Variants in CEP76 observed in about 807,000 individuals in gnomAD.
CEP76 encodes centrosomal protein of 76 kDa.
In CEP76, 55 loss-of-function variants were observed where a neutral mutation model predicts 83.3. The observed-to-expected ratio is 0.66, with a 90% CI of 0.53 to 0.83. The LOEUF (loss-of-function observed/expected upper bound fraction) is 0.83. Among genes scored for constraint, CEP76 ranks in the 40% least tolerant of loss-of-function variants. CEP76 has a pLI of 0.00. For missense variants in CEP76, 694 were observed against 799.5 expected, an observed-to-expected ratio of 0.87 and a Z score of 1.59; for synonymous variants, 270 against 274.5, an observed-to-expected ratio of 0.98 and a Z score of 0.16.
intron 4 of CEP76, among the ~76,000 whole-genome samples, 164 bp from the exon 5 acceptor site, chr18:12,697,572 G>C (rs1236514179): frequency 6.6e-6 from 1 of 152,204 alleles, no homozygotes; most frequent in African/African-American, 2.4e-5. Flanking sequence ...TACAAGTACA[G>C]TCCTATTTCT....
intron 6 of CEP76, among the ~76,000 whole-genome samples, chr18:12,695,003 C>T (rs1481365778): frequency 6.6e-6 from 1 of 152,144 alleles, no homozygotes; most frequent in Non-Finnish European, 1.5e-5. Context: ...GCGTGAGCCA[C>T]CGGCCTATCC....
At chr18:12,667,182 T>C (rs1262589790) in intron 12 of CEP76, among the ~76,000 whole-genome samples, 1 of 152,192 alleles carries the variant, frequency 6.6e-6, no homozygotes, top group East Asian at 1.9e-4. Context: ...TATTTTGGGC[T>C]GGGCATGGTG....
At chr18:12,678,576 TA>T in intron 9 of CEP76, 134 bp from the exon 10 acceptor site, 1 of 607,706 alleles carries the variant, frequency 1.6e-6, no homozygotes. Flanking sequence ...TTTTCTTTTT[TA>T]TATTTCCACA....
chr18:12,697,951 C>G (rs1195604947), intron 4 of CEP76, among the ~76,000 whole-genome samples: 1 of 151,946 alleles, frequency 6.6e-6, no homozygotes, highest in Non-Finnish European at 1.5e-5. Flanking sequence ...TGAAACTTTG[C>G]TTAGTTTACA....
intron 1 of CEP76, 75 bp downstream of exon 1, chr18:12,702,411 G>A (rs112588451): frequency 2.6e-6 from 3 of 1,166,634 alleles, no homozygotes; most frequent in Non-Finnish European, 3.8e-6. Context: ...TGCCGCTGTC[G>A]GCCCGGGGCC....
Position 12,678,179 on chromosome 18 carries a change from G to A in CEP76, c.1553C>T (p.Thr518Ile). The change falls in exon 10 of 12, where the codon ACA becomes ATA. Residue 518 changes from threonine to isoleucine, a missense_variant. Coordinates refer to ENST00000262127, the MANE Select transcript of CEP76 (RefSeq NM_024899.4). Reference protein sequence around the residue: ...LPPFPPLCASTIDASVTSNEI... With the variant: ...LPPFPPLCASIIDASVTSNEI... ...ATTACTTGTTACTGACGCGTCAATT[G>A]TGGATGCACACAGAGGTGGAAAGGG... The A allele has an allele frequency of 6.2e-7, 1 of 1,614,186 alleles. No homozygotes were observed. Among genetic ancestry groups the A allele is most frequent in the Non-Finnish European group, 8.5e-7 (1 of 1,180,028 alleles).
chr18:12,675,171 C>CGGATCA lies in CEP76; in HGVS notation c.1624-424_1624-419dup, dbSNP rs1266755932. Among the ~76,000 whole-genome samples, 5 of 152,098 alleles carry CGGATCA rather than the reference C, an allele frequency of 3.3e-5. No individual in the cohort carries two copies. The East Asian group carries it at 9.7e-4, about 29-fold the overall frequency. ...CAGCAGTTTGGGAGGCTGAGGTGGGCGGATCATGAGGTCAGGAGATTGAGA... is the reference window on the plus strand; with the variant it reads ...CAGCAGTTTGGGAGGCTGAGGTGGGCGGATCAGGATCATGAGGTCAGGAGATTGAGA... On this transcript the variant is annotated intron_variant, in intron 10 of 11. Transcript: ENST00000262127.
chr18:12,701,444 T>C (rs114355824), intron 1 of CEP76, among the ~76,000 whole-genome samples: 1 of 152,174 alleles, frequency 6.6e-6, no homozygotes, highest in Non-Finnish European at 1.5e-5. Flanking sequence ...TTGATCTGCC[T>C]AATGATAAGG....
downstream of CEP76, among the ~76,000 whole-genome samples, chr18:12,667,866 T>G (rs1228614451): frequency 1.3e-5 from 2 of 149,854 alleles, no homozygotes; most frequent in African/African-American, 2.4e-5. Context: ...TTTTTTTTTT[T>G]TTTAAATAGA....
chr18:12,691,399 C>T lies in CEP76; in HGVS notation c.893G>A (p.Arg298Gln), dbSNP rs1234552291. ...AACCAGTCGTGAGTTGTGTGAGGGT[C>T]GAATTTGCAAATATTCTCTCCACCA... is the stretch of plus-strand genomic sequence containing the variant. ...KQWWREYLQI[R>Q]PSHNSRLVKI... Residue 298 changes from arginine (R) to glutamine (Q), a missense_variant, in exon 7 of 12, where the codon CGA becomes CAA. By Grantham distance (43) the Arg-to-Gln change is conservative. Transcript: ENST00000262127. 1.9e-5 allele frequency: 30 copies of T among 1,607,312 alleles called. No individual in the cohort carries two copies. Among genetic ancestry groups the T allele is most frequent in the Non-Finnish European group, 2.4e-5 (28 of 1,176,468 alleles).
chr18:12,701,393 G>A (rs2040144776), intron 1 of CEP76, among the ~76,000 whole-genome samples: 1 of 152,110 alleles, frequency 6.6e-6, no homozygotes, highest in South Asian at 2.1e-4. Context: ...ACACGGACTG[G>A]GAGTAGGCAG....
chr18:12,692,551 G>C (rs1187787867), intron 6 of CEP76, among the ~76,000 whole-genome samples: 1 of 151,580 alleles, frequency 6.6e-6, no homozygotes, highest in East Asian at 1.9e-4. Flanking sequence ...GTTACTTCCT[G>C]TTGTTCAGAC....
In CEP76 at chr18:12,702,596, T is replaced by C; in HGVS notation, c.-48A>G. 6.3e-7 allele frequency: 1 copy of C among 1,575,634 alleles called. No homozygotes were observed. The highest frequency in any genetic ancestry group is 8.6e-7 in the Non-Finnish European group (1 of 1,165,498). On this transcript the variant is annotated 5_prime_UTR_variant, in exon 1 of 12. Transcript: ENST00000262127. Reference sequence around the variant, plus strand: ...CCGCTTCTCCCCGCCTCAGATGCCCTAACTGCGCGGCCCCGGCCGGGCCAG... The same window carrying C: ...CCGCTTCTCCCCGCCTCAGATGCCCCAACTGCGCGGCCCCGGCCGGGCCAG...
At chr18:12,694,476 A>G (rs935985675) in intron 6 of CEP76, among the ~76,000 whole-genome samples, 3 of 152,222 alleles carry the variant, frequency 2.0e-5, no homozygotes, top group Non-Finnish European at 4.4e-5. Context: ...AAATCTGCCG[A>G]TCTTTTAAGA....
intron 12 of CEP76, chr18:12,664,931 T>G (rs1055374074): frequency 6.6e-6 from 1 of 152,104 alleles, no homozygotes; most frequent in African/African-American, 2.4e-5. Flanking sequence ...ACTCCTGATC[T>G]CAAGTGATCC....
At chr18:12,666,503 A>C (rs116882881) in intron 12 of CEP76, among the ~76,000 whole-genome samples, 1 of 147,944 alleles carries the variant, frequency 6.8e-6, no homozygotes, top group Non-Finnish European at 1.5e-5. Flanking sequence ...GCATTGTGCA[A>C]TCATGGCTCA....
intron 1 of CEP76, among the ~76,000 whole-genome samples, chr18:12,701,665 C>T (rs1209816656): frequency 2.0e-5 from 3 of 151,846 alleles, no homozygotes; most frequent in Non-Finnish European, 2.9e-5. Context: ...GCATCTTGCA[C>T]TCAGTCGAGC....
intron 12 of CEP76, chr18:12,665,155 A>G (rs553870242): frequency 1.4e-4 from 22 of 152,284 alleles, no homozygotes; most frequent in African/African-American, 5.1e-4. Context: ...CATGTAATCA[A>G]CATAAAATAT....
Position 12,699,887 on chromosome 18 carries a change from G to A in CEP76, c.238C>T (p.Leu80Phe), listed in dbSNP as rs1404303228. The change falls in exon 3 of 12, where the codon CTC becomes TTC. Residue 80 changes from leucine to phenylalanine, a missense_variant. Transcript: ENST00000262127. ...NFVTDSVEQE[L>F]PSSPKQPICF... ...ATAGGTTGTTTTGGAGAGGAAGGGA[G>A]TTCTTGCTCAACACTGTCCTAGAAA... The A allele has an allele frequency of 6.3e-7, 1 of 1,596,080 alleles. No homozygotes were observed. Among genetic ancestry groups the A allele is most frequent in the East Asian group, 2.3e-5 (1 of 44,342 alleles).
Sources: gnomAD v4.1 joint callset for allele counts (sites outside exome capture counted in the v4.1 genomes callset) on GRCh38, gnomAD v4.1.1 for gene constraint, MANE v1.5 for transcripts, NCBI Gene and HGNC (gene_info 2026-07-23, HGNC 2026-07-21) for gene names.